Variants in LYPD6B observed in about 807,000 individuals in gnomAD.
LYPD6B encodes the protein ly6/PLAUR domain-containing protein 6B.
Under a neutral mutation model 22.8 loss-of-function variants are expected in LYPD6B, and 17 were observed. The observed-to-expected ratio is 0.75, with a 90% CI of 0.51 to 1.12. The LOEUF (loss-of-function observed/expected upper bound fraction) is 1.12, where lower values mean the gene tolerates loss of function less well. LYPD6B is among the 50% of genes most tolerant of loss of function. The probability of loss-of-function intolerance (pLI) is 0.00; values close to 1 mark genes in which losing one functional copy is unlikely to be tolerated. For synonymous variants in LYPD6B, 106 were observed against 91.6 expected (o/e 1.16, Z -0.90); for missense variants, 221 against 258.3 (o/e 0.86, Z 0.99).
At chr2:149,117,672 G>A (rs1195971000) in intron 1 of LYPD6B, among the ~76,000 whole-genome samples, 1 of 152,134 alleles carries the variant, frequency 6.6e-6, no homozygotes, top group Non-Finnish European at 1.5e-5. Context: ...TTGCTCATCT[G>A]TCATTTTTGT....
rs574863392 is a variant in LYPD6B at position 149,165,835 on chromosome 2, T to C, written c.77+5000T>C. On this transcript the variant is annotated intron_variant, in intron 3 of 6. Transcript: ENST00000409642. ...TTCTGACTCCTAGCAGAGTTCTCTC[T>C]TGGACTGTGTGGTTTTTCTAGAGAC... 3.9e-5 allele frequency among the ~76,000 whole-genome samples: 6 copies of C among 152,318 alleles called. No homozygotes were observed. In the South Asian group the frequency reaches 1.2e-3, roughly 32 times the overall value.
At chr2:149,144,051 ACATATATT>A (rs1261869475) in intron 2 of LYPD6B, 4 of 152,348 alleles carry the variant, frequency 2.6e-5, no homozygotes, top group African/African-American at 9.6e-5. Flanking sequence ...CATCTAACAT[ACATATATT>A]CAGCTTTGAC....
intron 3 of LYPD6B, among the ~76,000 whole-genome samples, chr2:149,191,623 A>T: frequency 6.6e-6 from 1 of 152,310 alleles, no homozygotes; most frequent in South Asian, 2.1e-4. Context: ...TCATTCTCCA[A>T]ATGAAATAGT....
At chr2:149,110,987 T>C (rs1269884333) in intron 1 of LYPD6B, among the ~76,000 whole-genome samples, 2 of 152,136 alleles carry the variant, frequency 1.3e-5, no homozygotes, top group African/African-American at 2.4e-5. Flanking sequence ...GTGTGGCTGG[T>C]AGCTATCTGG....
chr2:149,198,479 GT>G (rs1692960837), intron 3 of LYPD6B, among the ~76,000 whole-genome samples: 1 of 151,988 alleles, frequency 6.6e-6, no homozygotes. Context: ...AGTCTTTTAG[GT>G]TTTTCTTAAA....
chr2:149,120,383 A>ATATATTT (rs1327065975), intron 1 of LYPD6B, among the ~76,000 whole-genome samples: 2 of 48,612 alleles, frequency 4.1e-5, no homozygotes, highest in African/African-American at 2.1e-4. Context: ...ATATATATAT[A>ATATATTT]TTTTTTTTTT....
intron 2 of LYPD6B, among the ~76,000 whole-genome samples, chr2:149,149,395 G>A (rs1689225919): frequency 6.7e-6 from 1 of 149,784 alleles, no homozygotes; most frequent in South Asian, 2.2e-4. Flanking sequence ...GCATAAATTA[G>A]TCTCCTCCTG....
intron 1 of LYPD6B, among the ~76,000 whole-genome samples, chr2:149,105,775 A>G (rs1325496960): frequency 6.6e-6 from 1 of 152,050 alleles, no homozygotes; most frequent in East Asian, 1.9e-4. Flanking sequence ...TTCTGTCTGG[A>G]TGGCTTTTGT....
chr2:149,158,941 T>C (rs988483020), intron 2 of LYPD6B, among the ~76,000 whole-genome samples: 6 of 152,216 alleles, frequency 3.9e-5, no homozygotes, highest in Non-Finnish European at 7.3e-5. Context: ...CCCAACTTTT[T>C]ATTGGAAGAA....
chr2:149,087,280 G>A (rs1301565085), intron 1 of LYPD6B, among the ~76,000 whole-genome samples: 3 of 152,108 alleles, frequency 2.0e-5, no homozygotes, highest in African/African-American at 4.8e-5. Context: ...AAGAGCAATC[G>A]TAAAGTTAAG....
intron 1 of LYPD6B, among the ~76,000 whole-genome samples, chr2:149,041,316 A>G (rs912188516): frequency 3.9e-5 from 6 of 152,182 alleles, no homozygotes; most frequent in African/African-American, 7.2e-5. Context: ...CTAGAGCTCC[A>G]TCATGCCTTC....
chr2:149,066,287 A>G (rs934032051), intron 1 of LYPD6B, among the ~76,000 whole-genome samples: 1 of 151,632 alleles, frequency 6.6e-6, no homozygotes, highest in African/African-American at 2.4e-5. Flanking sequence ...TTAACTTGTC[A>G]TTTACATTAG....
intron 2 of LYPD6B, chr2:149,131,606 T>C (rs1212364946): frequency 6.6e-6 from 1 of 152,248 alleles, no homozygotes; most frequent in African/African-American, 2.4e-5. Flanking sequence ...AATTTATTTG[T>C]AAGAAAGGGC....
rs73017047 is a variant in LYPD6B, at chr2:149,146,209, G to A, written c.6-14555G>A. On this transcript the variant is annotated intron_variant, in intron 2 of 6. Coordinates refer to ENST00000409642, the MANE Select transcript of LYPD6B (RefSeq NM_177964.5). ...ACGTGCAAAATTGCAATGACGTGGC[G>A]TGCTCATGGGGGAATGAAGAGTGGA... 4.6e-3 allele frequency among the ~76,000 whole-genome samples: 694 copies of A among 152,338 alleles called. 4 individuals are homozygous for A. Among genetic ancestry groups the A allele is most frequent in the African/African-American group, 0.016 (667 of 41,570 alleles).
intron 1 of LYPD6B, among the ~76,000 whole-genome samples, chr2:149,059,515 A>G (rs1415339731): frequency 1.3e-5 from 2 of 152,240 alleles, no homozygotes; most frequent in Non-Finnish European, 2.9e-5. Context: ...AGGGGTGTTG[A>G]GCAGTTTAAT....
At chr2:149,181,985 G>T (rs1691763957) in intron 3 of LYPD6B, among the ~76,000 whole-genome samples, 1 of 152,162 alleles carries the variant, frequency 6.6e-6, no homozygotes, top group African/African-American at 2.4e-5. Context: ...ATTCTGCCGT[G>T]TATCTGCAGG....
At chr2:149,109,846 G>A (rs1686672642) in intron 1 of LYPD6B, among the ~76,000 whole-genome samples, 1 of 151,656 alleles carries the variant, frequency 6.6e-6, no homozygotes, top group Admixed American at 6.6e-5. Flanking sequence ...TGAGTAGCTG[G>A]GATTACAGCT....
chr2:149,177,374 T>C (rs892421833), intron 3 of LYPD6B, among the ~76,000 whole-genome samples: 1 of 152,216 alleles, frequency 6.6e-6, no homozygotes, highest in African/African-American at 2.4e-5. Context: ...TGGGGTTATG[T>C]TTTTAGTATC....
At position 149,214,831 on chromosome 2, in the gene LYPD6B, C is replaced by T. The variant is rs116727073; in HGVS notation, c.*121C>T. On this transcript the variant is annotated 3_prime_UTR_variant, in exon 7 of 7. Coordinates refer to ENST00000409642, the MANE Select transcript of LYPD6B (RefSeq NM_177964.5). Reference sequence around the variant, plus strand: ...TTGGTGAAGAGTGCACATTGGACCTCAAGGCGAAAGCCAGTGGTTTGCTTG... The same window carrying T: ...TTGGTGAAGAGTGCACATTGGACCTTAAGGCGAAAGCCAGTGGTTTGCTTG... The T allele has an allele frequency of 5.0e-4, 523 of 1,050,242 alleles. 1 individual carries two copies. The African/African-American group carries it at 7.0e-3, about 14-fold the overall frequency. 65.1% of individuals were successfully genotyped at this position (1,050,242 alleles called of 1,614,324 possible).
Sources: allele counts gnomAD v4.1 joint callset (sites outside exome capture counted in the v4.1 genomes callset), GRCh38; gene constraint gnomAD v4.1.1; transcripts MANE v1.5; gene names NCBI Gene and HGNC (gene_info 2026-07-23, HGNC 2026-07-21).